Variants in RALYL observed in about 807,000 individuals in gnomAD.
RALYL encodes RALY RNA binding protein like, also known as RNA-binding Raly-like protein.
RALYL carries 29 observed loss-of-function variants against 35.1 expected under a neutral mutation model. The ratio of observed to expected loss-of-function variants is 0.83; its 90% confidence interval spans 0.61 to 1.13. The LOEUF (loss-of-function observed/expected upper bound fraction) is 1.13. Ranked by LOEUF, RALYL falls within the 50% of genes most tolerant of loss-of-function variation. RALYL has a pLI of 0.00. For missense variants in RALYL, 359 were observed against 360.4 expected, an observed-to-expected ratio of 1.00 and a Z score of 0.03; for synonymous variants, 120 against 127.6, an observed-to-expected ratio of 0.94 and a Z score of 0.40.
intron 2 of RALYL, among the ~76,000 whole-genome samples, chr8:84,668,228 A>G (rs146138782): frequency 1.1e-4 from 16 of 152,300 alleles, no homozygotes; most frequent in East Asian, 7.7e-4. Context: ...ACAGGATTAA[A>G]ACCTTATTTC....
chr8:84,397,012 T>C (rs1861884003), intron 1 of RALYL, among the ~76,000 whole-genome samples: 1 of 152,072 alleles, frequency 6.6e-6, no homozygotes, highest in South Asian at 2.1e-4. Context: ...TCAACGATCT[T>C]GAGAAGGGAA....
chr8:84,258,279 C>A (rs80094386), intron 1 of RALYL, among the ~76,000 whole-genome samples: 2,887 of 152,106 alleles, frequency 0.019, 42 homozygotes, highest in Non-Finnish European at 0.031. Flanking sequence ...CATAAAAATG[C>A]GTGGCATAAT....
intron 1 of RALYL, among the ~76,000 whole-genome samples, chr8:84,314,782 A>G (rs890067302): frequency 6.6e-6 from 1 of 152,220 alleles, no homozygotes; most frequent in East Asian, 1.9e-4. Flanking sequence ...GAAATATAAC[A>G]AAATGACAGA....
chr8:84,737,958 A>G (rs1847616766), intron 2 of RALYL, among the ~76,000 whole-genome samples: 1 of 152,036 alleles, frequency 6.6e-6, no homozygotes, highest in Admixed American at 6.6e-5. Flanking sequence ...CACCCAGTCC[A>G]TGGTGTTTTT....
chr8:84,783,698 G>C (rs532215463), intron 3 of RALYL, among the ~76,000 whole-genome samples: 1 of 152,250 alleles, frequency 6.6e-6, no homozygotes, highest in African/African-American at 2.4e-5. Flanking sequence ...CTGACAAAAT[G>C]CCAATCTAGT....
intron 5 of RALYL, among the ~76,000 whole-genome samples, chr8:84,854,026 G>A (rs541344580): frequency 2.6e-5 from 4 of 152,224 alleles, no homozygotes; most frequent in Admixed American, 2.6e-4. Context: ...ATCAATATTA[G>A]CTAGTATTAA....
intron 2 of RALYL, among the ~76,000 whole-genome samples, chr8:84,655,676 A>G (rs939765953): frequency 6.6e-6 from 1 of 150,756 alleles, no homozygotes; most frequent in Non-Finnish European, 1.5e-5. Context: ...TTATATTCTG[A>G]TGATAATCCC....
At chr8:84,263,402 C>A (rs1342810335) in intron 1 of RALYL, among the ~76,000 whole-genome samples, 2 of 152,094 alleles carry the variant, frequency 1.3e-5, no homozygotes, top group Non-Finnish European at 2.9e-5. Context: ...TAGCAAGTTT[C>A]TATTACTTGT....
At chr8:84,665,620 G>A (rs926655499) in intron 2 of RALYL, 1 of 151,948 alleles carries the variant, frequency 6.6e-6, no homozygotes, top group African/African-American at 2.4e-5. Context: ...TTCTCTAATG[G>A]TTGTTTGTAT....
In RALYL at chr8:84,614,915, T is replaced by G. The variant is rs191545807; in HGVS notation, c.256+85338T>G. Among the ~76,000 whole-genome samples the G allele has an allele frequency of 2.6e-5, 4 of 151,522 alleles. No homozygotes were observed. The East Asian group carries it at 7.8e-4, about 29-fold the overall frequency. ...GAGGATATGGTACAGGCACTGTACATGGCATTTTACGACCTCAATAAAATA... is the reference window on the plus strand; with the variant it reads ...GAGGATATGGTACAGGCACTGTACAGGGCATTTTACGACCTCAATAAAATA... On this transcript the variant is annotated intron_variant, in intron 2 of 8. Coordinates refer to ENST00000521268, the MANE Select transcript of RALYL (RefSeq NM_173848.7).
chr8:84,888,481 TAAC>T (rs778390015), intron 8 of RALYL, among the ~76,000 whole-genome samples: 1 of 152,194 alleles, frequency 6.6e-6, no homozygotes, highest in Non-Finnish European at 1.5e-5. Flanking sequence ...TCAAAGGACT[TAAC>T]TAATAAAAAT....
intron 2 of RALYL, among the ~76,000 whole-genome samples, chr8:84,721,279 G>T (rs752487053): frequency 6.6e-6 from 1 of 151,848 alleles, no homozygotes; most frequent in Non-Finnish European, 1.5e-5. Flanking sequence ...TCATTACTGA[G>T]TACTGGTTAT....
intron 1 of RALYL, among the ~76,000 whole-genome samples, chr8:84,467,029 C>T (rs1361146923): frequency 2.0e-5 from 3 of 152,100 alleles, no homozygotes; most frequent in Non-Finnish European, 2.9e-5. Context: ...TGATTCTTCT[C>T]TCTTTTTTTC....
chr8:84,624,537 G>C (rs1283937264), intron 2 of RALYL, among the ~76,000 whole-genome samples: 1 of 152,152 alleles, frequency 6.6e-6, no homozygotes. Context: ...ACTGCACTTA[G>C]AAAAGGTTCT....
chr8:84,443,592 G>A (rs1184976510), intron 1 of RALYL, among the ~76,000 whole-genome samples: 3 of 152,074 alleles, frequency 2.0e-5, no homozygotes, highest in Non-Finnish European at 4.4e-5. Context: ...CCCTTGCTTG[G>A]TATAGAGCGT....
At chr8:84,463,690 C>G (rs1157711256) in intron 1 of RALYL, among the ~76,000 whole-genome samples, 1 of 151,962 alleles carries the variant, frequency 6.6e-6, no homozygotes, top group Non-Finnish European at 1.5e-5. Context: ...CTTGCCTTTT[C>G]TACTTTCTAA....
intron 2 of RALYL, among the ~76,000 whole-genome samples, chr8:84,689,086 T>G (rs1837456461): frequency 1.3e-5 from 2 of 151,940 alleles, no homozygotes; most frequent in Admixed American, 6.6e-5. Flanking sequence ...TTTTTTAAAT[T>G]TATTATTATA....
chr8:84,870,448 G>A (rs909898416), intron 6 of RALYL, among the ~76,000 whole-genome samples: 6 of 148,034 alleles, frequency 4.1e-5, no homozygotes, highest in Non-Finnish European at 8.8e-5. Context: ...AGTAGAGACG[G>A]GGTTTTACCA....
intron 2 of RALYL, among the ~76,000 whole-genome samples, chr8:84,751,449 C>T (rs1369874208): frequency 2.0e-5 from 3 of 152,042 alleles, no homozygotes; most frequent in Non-Finnish European, 4.4e-5. Flanking sequence ...CATAGGTGAT[C>T]CACCCACCTT....
Sources: gnomAD v4.1 joint callset for allele counts (sites outside exome capture counted in the v4.1 genomes callset) on GRCh38, gnomAD v4.1.1 for gene constraint, MANE v1.5 for transcripts, NCBI Gene and HGNC (gene_info 2026-07-23, HGNC 2026-07-21) for gene names.